NPAS3: variants seen among roughly 807,000 people sequenced by gnomAD.
The protein encoded by NPAS3 is neuronal PAS domain protein 3.
In NPAS3, 14 loss-of-function variants were observed where a neutral mutation model predicts 73.1. The observed-to-expected ratio is 0.19, with a 90% confidence interval of 0.13 to 0.30. The LOEUF is 0.30. Ranked by LOEUF, NPAS3 falls within the 10% of genes least tolerant of loss-of-function variation. The pLI, the probability that NPAS3 is intolerant of heterozygous loss-of-function variation, is 1.00. For synonymous variants in NPAS3, 620 were observed against 541.5 expected (o/e 1.14, Z -2.01); for missense variants, 1,096 against 1,250.0 (o/e 0.88, Z 1.86).
At chr14:33,366,525 C>T (rs1174637875) in intron 3 of NPAS3, among the ~76,000 whole-genome samples, 1 of 152,164 alleles carries the variant, frequency 6.6e-6, no homozygotes, top group Non-Finnish European at 1.5e-5. Flanking sequence ...AAGAAACAGT[C>T]ACTGACCTGG....
chr14:33,305,841 G>A (rs772703823), intron 3 of NPAS3, among the ~76,000 whole-genome samples: 31 of 152,198 alleles, frequency 2.0e-4, no homozygotes, highest in Middle Eastern at 3.4e-3. Context: ...AGTTAAAGTT[G>A]ACACTATAAT....
intron 3 of NPAS3, among the ~76,000 whole-genome samples, chr14:33,363,922 C>CTGTGTGTGTGTGTGTGTGTGTGTGTG (rs10627532): frequency 6.7e-6 from 1 of 148,772 alleles, no homozygotes; most frequent in Non-Finnish European, 1.5e-5. Flanking sequence ...GCAATGCCCT[C>CTGTGTGTGTGTGTGTGTGTGTGTGTG]TGTGTGTGTG....
intron 2 of NPAS3, among the ~76,000 whole-genome samples, chr14:33,147,730 A>AAAAAAGATATATATATATAT (rs372663411): frequency 7.7e-6 from 1 of 130,388 alleles, no homozygotes; most frequent in African/African-American, 3.2e-5. Context: ...TAGAATAAAA[A>AAAAAAGATATATATATATAT]ATATATATAT....
chr14:33,669,939 G>A (rs549827085), intron 5 of NPAS3, among the ~76,000 whole-genome samples: 1 of 152,094 alleles, frequency 6.6e-6, no homozygotes, highest in Non-Finnish European at 1.5e-5. Flanking sequence ...TTTTGAGACA[G>A]AGTCTCACTC....
At chr14:33,112,248 G>A (rs2042920127) in intron 2 of NPAS3, among the ~76,000 whole-genome samples, 1 of 152,218 alleles carries the variant, frequency 6.6e-6, no homozygotes, top group Non-Finnish European at 1.5e-5. Flanking sequence ...TTGCCACACT[G>A]ACTTCCACAA....
At chr14:33,473,417 C>T (rs114675772) in intron 4 of NPAS3, among the ~76,000 whole-genome samples, 248 of 152,210 alleles carry the variant, frequency 1.6e-3, no homozygotes, top group African/African-American at 5.3e-3. Context: ...TCAGAGAATG[C>T]GGATCACCTA....
intron 5 of NPAS3, among the ~76,000 whole-genome samples, chr14:33,663,712 C>A (rs1438101287): frequency 6.6e-6 from 1 of 152,098 alleles, no homozygotes; most frequent in Non-Finnish European, 1.5e-5. Context: ...ATTACTGCCT[C>A]AATTTCAGAA....
chr14:33,459,617 T>C (rs1031944737), intron 4 of NPAS3, among the ~76,000 whole-genome samples: 14 of 152,200 alleles, frequency 9.2e-5, no homozygotes, highest in African/African-American at 3.4e-4. Flanking sequence ...TTTTATCTCA[T>C]GGTGTTGCTA....
At position 33,657,803 on chromosome 14, in the gene NPAS3, A is replaced by ATAAT. The variant is rs1395265161; in HGVS notation, c.559-18406_559-18403dup. Among the ~76,000 whole-genome samples, 9 of 151,958 alleles carry ATAAT rather than the reference A, an allele frequency of 5.9e-5. No individual in the cohort carries two copies. In the East Asian group the frequency reaches 1.5e-3, roughly 26 times the overall value. ...TGCAGATTATGTAAAAAAAAAAAAG[A>ATAAT]TAATTGTGTTACTCTTGCAGTGGGA... is the stretch of plus-strand genomic sequence containing the variant. On this transcript the variant is annotated intron_variant, in intron 5 of 11. Transcript: ENST00000356141.
At position 33,271,351 on chromosome 14, in the gene NPAS3, G is replaced by A. The variant is rs374124811; in HGVS notation, c.385+55925G>A. Among the ~76,000 whole-genome samples the A allele has an allele frequency of 3.7e-4, 56 of 152,280 alleles. No individual in the cohort carries two copies. In the East Asian group the frequency reaches 5.6e-3, roughly 15 times the overall value. On this transcript the variant is annotated intron_variant, in intron 3 of 11. Coordinates refer to ENST00000356141, the Ensembl canonical transcript of NPAS3. ...ACACAGAAAGGCAAAGGGAAAGAGA[G>A]TAGTATTTAGGTCTCATGGCTGGCT...
chr14:33,455,555 A>G (rs1206637285), intron 4 of NPAS3, among the ~76,000 whole-genome samples: 2 of 152,244 alleles, frequency 1.3e-5, no homozygotes, highest in Non-Finnish European at 2.9e-5. Flanking sequence ...AGAAAAAACC[A>G]ACTTCTTGAA....
At chr14:33,004,795 T>C (rs1378644027) in intron 1 of NPAS3, among the ~76,000 whole-genome samples, 2 of 149,534 alleles carry the variant, frequency 1.3e-5, no homozygotes, top group Non-Finnish European at 3.0e-5. Flanking sequence ...CCATAAGCTT[T>C]TTTCTATTGT....
chr14:33,143,786 C>A (rs765402017), intron 2 of NPAS3, among the ~76,000 whole-genome samples: 8 of 152,150 alleles, frequency 5.3e-5, no homozygotes, highest in Non-Finnish European at 7.3e-5. Context: ...TTTACCTATT[C>A]TGGATGTTTC....
chr14:33,793,259 G>A (rs1451129000), intron 9 of NPAS3, among the ~76,000 whole-genome samples: 1 of 152,152 alleles, frequency 6.6e-6, no homozygotes, highest in Admixed American at 6.5e-5. Context: ...GCCTCCCTTA[G>A]GCCAGTGTTT....
At chr14:33,157,935 A>G (rs1347916709) in intron 2 of NPAS3, among the ~76,000 whole-genome samples, 2 of 152,244 alleles carry the variant, frequency 1.3e-5, no homozygotes, top group African/African-American at 4.8e-5. Flanking sequence ...AGTGCCTAGA[A>G]TAGTGTCTGG....
chr14:33,134,501 A>G (rs2043762325), intron 2 of NPAS3, among the ~76,000 whole-genome samples: 2 of 152,158 alleles, frequency 1.3e-5, no homozygotes, highest in African/African-American at 4.8e-5. Flanking sequence ...TGAAAATTCT[A>G]CTTAGTTAAA....
intron 1 of NPAS3, among the ~76,000 whole-genome samples, chr14:32,970,565 A>C (rs2037377132): frequency 6.6e-6 from 1 of 152,182 alleles, no homozygotes; most frequent in South Asian, 2.1e-4. Context: ...AAGTGCTGCA[A>C]ACTGGGTGGC....
intron 4 of NPAS3, among the ~76,000 whole-genome samples, chr14:33,455,989 G>A (rs190559954): frequency 6.6e-6 from 1 of 152,156 alleles, no homozygotes; most frequent in Non-Finnish European, 1.5e-5. Context: ...TTTGTGGGAA[G>A]GAATATGGCA....
chr14:33,277,529 G>A (rs2041392092), intron 3 of NPAS3, among the ~76,000 whole-genome samples: 2 of 152,062 alleles, frequency 1.3e-5, no homozygotes, highest in Non-Finnish European at 2.9e-5. Context: ...AAATATAAGG[G>A]GCTAGGTAAA....
Sources: gnomAD v4.1 joint callset for allele counts (sites outside exome capture counted in the v4.1 genomes callset) on GRCh38, gnomAD v4.1.1 for gene constraint, MANE v1.5 for transcripts, NCBI Gene and HGNC (gene_info 2026-07-23, HGNC 2026-07-21) for gene names.